The following FGGY variants were observed in gnomAD, a reference collection of about 807,000 sequenced individuals.
FGGY encodes FGGY carbohydrate kinase domain containing, also known as FGGY carbohydrate kinase domain-containing protein.
A neutral mutation model predicts 71.3 loss-of-function variants in FGGY; 72 were observed. That is an observed-to-expected ratio of 1.01 (90% CI 0.84 to 1.23). The LOEUF (loss-of-function observed/expected upper bound fraction) is 1.23, where lower values mean the gene tolerates loss of function less well. Among genes scored for constraint, FGGY ranks in the 50% most tolerant of loss-of-function variants. The pLI is 0.00. For missense variants in FGGY, 668 were observed against 682.3 expected, an observed-to-expected ratio of 0.98 and a Z score of 0.23; for synonymous variants, 251 against 250.3, an observed-to-expected ratio of 1.00 and a Z score of -0.02.
At chr1:59,449,388 A>G (rs550948361) in intron 5 of FGGY, among the ~76,000 whole-genome samples, 94 of 152,270 alleles carry the variant, frequency 6.2e-4, no homozygotes, top group South Asian at 2.3e-3. Flanking sequence ...GGTTCAAGCA[A>G]TTCTCCTGCC....
At chr1:59,613,185 C>G (rs901508576) in intron 9 of FGGY, among the ~76,000 whole-genome samples, 2 of 152,216 alleles carry the variant, frequency 1.3e-5, no homozygotes, top group Admixed American at 6.5e-5. Context: ...CCCAAATCAA[C>G]AGAATATACA....
chr1:59,571,942 G>GC (rs1180769694), intron 8 of FGGY, among the ~76,000 whole-genome samples: 17 of 152,298 alleles, frequency 1.1e-4, no homozygotes, highest in South Asian at 2.1e-4. Context: ...GCTTAGAAAA[G>GC]ACAAGCAAGG....
chr1:59,411,686 A>G (rs1263472382), intron 5 of FGGY, among the ~76,000 whole-genome samples: 2 of 152,184 alleles, frequency 1.3e-5, no homozygotes. Flanking sequence ...GTTTATTTGT[A>G]TCAGTATGTA....
At chr1:59,421,625 G>C (rs2065454158) in intron 5 of FGGY, among the ~76,000 whole-genome samples, 1 of 146,992 alleles carries the variant, frequency 6.8e-6, no homozygotes, top group Admixed American at 6.9e-5. Flanking sequence ...CTCTTTTTCT[G>C]GCCTTCATTT....
At chr1:59,461,649 G>A (rs978931541) in intron 6 of FGGY, among the ~76,000 whole-genome samples, 2 of 152,088 alleles carry the variant, frequency 1.3e-5, no homozygotes, top group Non-Finnish European at 2.9e-5. Flanking sequence ...AGGAAAAAAT[G>A]TTAAGGGGAG....
intron 10 of FGGY, among the ~76,000 whole-genome samples, chr1:59,634,641 T>C (rs778270683): frequency 3.9e-5 from 6 of 152,100 alleles, no homozygotes; most frequent in Non-Finnish European, 8.8e-5. Context: ...TTGTCTGCAT[T>C]TAAGATCACA....
intron 1 of FGGY, among the ~76,000 whole-genome samples, chr1:59,305,131 G>T (rs964178624): frequency 6.6e-6 from 1 of 152,060 alleles, no homozygotes; most frequent in Admixed American, 6.5e-5. Context: ...ATTCTCTCTT[G>T]TTCCTGATCT....
At chr1:59,533,865 A>G (rs2095236652) in intron 7 of FGGY, among the ~76,000 whole-genome samples, 1 of 152,192 alleles carries the variant, frequency 6.6e-6, no homozygotes, top group South Asian at 2.1e-4. Flanking sequence ...AGTAGATAAA[A>G]CCACAAAGAT....
rs151009469 is a variant in FGGY, at chr1:59,375,442, T to C, written c.466-3307T>C. 2.0e-3 allele frequency among the ~76,000 whole-genome samples: 301 copies of C among 152,272 alleles called. 2 individuals are homozygous for C. The highest frequency in any genetic ancestry group is 7.0e-3 in the African/African-American group (291 of 41,550). On this transcript the variant is annotated intron_variant, in intron 4 of 15. Coordinates refer to ENST00000303721, the MANE Select transcript of FGGY (RefSeq NM_018291.5). ...TCTTTTGTAGAGAAAGCAGGGAATATTGCTATCTTCCCTTCTGAGACCATG... is the reference window on the plus strand; with the variant it reads ...TCTTTTGTAGAGAAAGCAGGGAATACTGCTATCTTCCCTTCTGAGACCATG...
chr1:59,376,817 A>G (rs1304845023), intron 4 of FGGY, among the ~76,000 whole-genome samples: 1 of 152,226 alleles, frequency 6.6e-6, no homozygotes, highest in African/African-American at 2.4e-5. Flanking sequence ...AAACCAGGAC[A>G]TGGAAAGTTA....
chr1:59,531,119 C>G (rs2095130799), intron 7 of FGGY, among the ~76,000 whole-genome samples: 1 of 152,178 alleles, frequency 6.6e-6, no homozygotes, highest in Non-Finnish European at 1.5e-5. Context: ...TGGCATGGCA[C>G]TATTTAACAG....
chr1:59,521,352 T>C (rs2094827707), intron 7 of FGGY, among the ~76,000 whole-genome samples: 1 of 152,108 alleles, frequency 6.6e-6, no homozygotes, highest in South Asian at 2.1e-4. Context: ...TCCAAGGCTT[T>C]CTTGGAGTGC....
At chr1:59,500,817 G>A (rs10889141) in intron 6 of FGGY, among the ~76,000 whole-genome samples, 65,304 of 151,674 alleles carry the variant, frequency 0.43, 15,248 homozygotes, top group African/African-American at 0.62. Context: ...TTTAGCGTTC[G>A]TTGAGGATAA....
At chr1:59,760,320 T>C (rs577086884) in intron 15 of FGGY, among the ~76,000 whole-genome samples, 6 of 152,202 alleles carry the variant, frequency 3.9e-5, no homozygotes, top group Admixed American at 3.9e-4. Flanking sequence ...TGTGGAGAAA[T>C]TGGAAGCTCT....
At chr1:59,546,442 G>A (rs1161858088) in intron 7 of FGGY, among the ~76,000 whole-genome samples, 2 of 151,836 alleles carry the variant, frequency 1.3e-5, no homozygotes, top group Non-Finnish European at 2.9e-5. Context: ...TGGGGAGGGG[G>A]CAGTGGCAGT....
intron 7 of FGGY, among the ~76,000 whole-genome samples, chr1:59,521,908 T>C (rs1054344772): frequency 2.0e-5 from 3 of 152,250 alleles, no homozygotes; most frequent in Non-Finnish European, 4.4e-5. Flanking sequence ...TGAGCCACAC[T>C]TGAGTAAATC....
chr1:59,462,757 G>A (rs2092336592), intron 6 of FGGY, among the ~76,000 whole-genome samples: 1 of 152,072 alleles, frequency 6.6e-6, no homozygotes, highest in Admixed American at 6.5e-5. Flanking sequence ...ACCACAATGA[G>A]ATACCATCTC....
At chr1:59,439,167 G>A (rs544537770) in intron 5 of FGGY, among the ~76,000 whole-genome samples, 20 of 152,130 alleles carry the variant, frequency 1.3e-4, no homozygotes, top group Non-Finnish European at 2.4e-4. Flanking sequence ...CTCCTCCAGC[G>A]TACTGAATGG....
In FGGY at chr1:59,413,469, G is replaced by A. The variant is rs575554293; in HGVS notation, c.554+34632G>A. Among the ~76,000 whole-genome samples the A allele has an allele frequency of 5.3e-5, 8 of 152,316 alleles. No individual in the cohort carries two copies. In the East Asian group the frequency reaches 7.7e-4, roughly 15 times the overall value. ...AATGACAGTGACCTGACCTTAAGGCGTTGTCTTGTTTGTGGGTGAGACAGG... is the reference window on the plus strand; with the variant it reads ...AATGACAGTGACCTGACCTTAAGGCATTGTCTTGTTTGTGGGTGAGACAGG... On this transcript the variant is annotated intron_variant, in intron 5 of 15. Transcript: ENST00000303721.
Sources: gnomAD v4.1 joint callset for allele counts (sites outside exome capture counted in the v4.1 genomes callset) on GRCh38, gnomAD v4.1.1 for gene constraint, MANE v1.5 for transcripts, NCBI Gene and HGNC (gene_info 2026-07-23, HGNC 2026-07-21) for gene names.